The following GAB4 variants were observed in gnomAD, a reference collection of about 807,000 sequenced individuals.
GAB4 encodes the protein GRB2-associated-binding protein 4.
Under a neutral mutation model 51.3 loss-of-function variants are expected in GAB4, and 26 were observed. That is an observed-to-expected ratio of 0.51 (90% CI 0.37 to 0.70). The LOEUF is 0.70. Among genes scored for constraint, GAB4 ranks in the 30% least tolerant of loss-of-function variants. The pLI is 0.00. For synonymous variants in GAB4, 329 were observed against 291.2 expected (o/e 1.13, Z -1.32); for missense variants, 759 against 734.6 (o/e 1.03, Z -0.38).
chr22:16,996,750 G>A (rs2060952368), intron 1 of GAB4, among the ~76,000 whole-genome samples: 1 of 151,992 alleles, frequency 6.6e-6, no homozygotes, highest in African/African-American at 2.4e-5. Flanking sequence ...CCATGTTGGT[G>A]TGCTGCATCC....
At chr22:16,991,841 C>T (rs2060916483) in intron 2 of GAB4, 32 bp downstream of exon 2, 1 of 1,558,416 alleles carries the variant, frequency 6.4e-7, no homozygotes, top group South Asian at 1.2e-5. Context: ...ATCTCAGCCC[C>T]TCCTGAGACA....
intron 1 of GAB4, among the ~76,000 whole-genome samples, chr22:16,993,492 A>G (rs2060929156): frequency 6.6e-6 from 1 of 152,088 alleles, no homozygotes; most frequent in South Asian, 2.1e-4. Flanking sequence ...TACCCCTGTT[A>G]TTTTCCCCCT....
chr22:16,975,179 T>A (rs1216793479), intron 3 of GAB4, among the ~76,000 whole-genome samples: 1 of 151,908 alleles, frequency 6.6e-6, no homozygotes, highest in African/African-American at 2.4e-5. Flanking sequence ...CCCCTGAAAA[T>A]GGGGCTGAAG....
intron 7 of GAB4, 27 bp from the exon 8 acceptor site, chr22:16,964,889 C>T: frequency 1.3e-6 from 2 of 1,575,458 alleles, no homozygotes; most frequent in South Asian, 1.1e-5. Context: ...GCAAGGAGTA[C>T]ATCCTGGGTG....
intron 3 of GAB4, among the ~76,000 whole-genome samples, chr22:16,975,225 C>A (rs1368790237): frequency 6.6e-6 from 1 of 152,190 alleles, no homozygotes; most frequent in Non-Finnish European, 1.5e-5. Flanking sequence ...CAGGGGATCC[C>A]ACCCCCATGG....
intron 1 of GAB4, among the ~76,000 whole-genome samples, chr22:16,998,845 A>C (rs1020008923): frequency 6.6e-6 from 1 of 152,222 alleles, no homozygotes; most frequent in African/African-American, 2.4e-5. Flanking sequence ...AGTTTTTAGC[A>C]TGAAGGGCTG....
chr22:17,004,285 T>G (rs2061021453), intron 1 of GAB4, among the ~76,000 whole-genome samples: 1 of 152,036 alleles, frequency 6.6e-6, no homozygotes, highest in Non-Finnish European at 1.5e-5. Flanking sequence ...CTGAAACTAT[T>G]CCAAACAATG....
intron 1 of GAB4, 98 bp downstream of exon 1, chr22:17,007,835 CCACCCGCA>C: frequency 1.9e-6 from 2 of 1,065,194 alleles, no homozygotes; most frequent in East Asian, 2.6e-5. Context: ...GAAGTCGCCT[CCACCCGCA>C]GCTCCTCCCG....
intron 3 of GAB4, among the ~76,000 whole-genome samples, chr22:16,981,941 T>C (rs928691695): frequency 6.6e-6 from 1 of 152,164 alleles, no homozygotes; most frequent in South Asian, 2.1e-4. Context: ...ACCACATTAA[T>C]AGATTCAAAA....
At chr22:16,968,608 T>C (rs73145684) in intron 4 of GAB4, among the ~76,000 whole-genome samples, 6,165 of 152,200 alleles carry the variant, frequency 0.041, 151 homozygotes, top group African/African-American at 0.071. Flanking sequence ...CCCTCCTGGA[T>C]GCCTGCCCTC....
intron 2 of GAB4, among the ~76,000 whole-genome samples, chr22:16,990,191 C>T (rs2060902719): frequency 6.6e-6 from 1 of 152,220 alleles, no homozygotes; most frequent in Admixed American, 6.5e-5. Context: ...AAAGCACTCT[C>T]TCTCTTTCTA....
At chr22:16,989,058 C>T (rs952883694) in intron 2 of GAB4, among the ~76,000 whole-genome samples, 2 of 152,204 alleles carry the variant, frequency 1.3e-5, no homozygotes, top group Admixed American at 6.5e-5. Flanking sequence ...GCCCAGTCCA[C>T]GGGTTTTTGA....
At chr22:17,000,032 A>G (rs989869917) in intron 1 of GAB4, among the ~76,000 whole-genome samples, 2 of 152,166 alleles carry the variant, frequency 1.3e-5, no homozygotes, top group Non-Finnish European at 2.9e-5. Context: ...CTGTTTTTCT[A>G]CATTGGCTGA....
At chr22:17,006,981 T>G (rs2061045316) in intron 1 of GAB4, among the ~76,000 whole-genome samples, 1 of 152,002 alleles carries the variant, frequency 6.6e-6, no homozygotes. Flanking sequence ...GTTCTGCACA[T>G]GTATCCCAGA....
intron 3 of GAB4, among the ~76,000 whole-genome samples, chr22:16,982,547 C>G (rs1014735028): frequency 5.3e-5 from 8 of 152,126 alleles, no homozygotes; most frequent in Non-Finnish European, 7.3e-5. Context: ...ATCACATGAT[C>G]ATGATTGCAA....
At chr22:16,991,702 T>G (rs1247654835) in intron 2 of GAB4, among the ~76,000 whole-genome samples, 171 bp downstream of exon 2, 1 of 152,132 alleles carries the variant, frequency 6.6e-6, no homozygotes, top group Non-Finnish European at 1.5e-5. Context: ...GGTGGAGGAC[T>G]GAGGATGGTA....
chr22:16,970,576 C>A (rs1216042016), intron 3 of GAB4, among the ~76,000 whole-genome samples: 1 of 152,150 alleles, frequency 6.6e-6, no homozygotes, highest in Non-Finnish European at 1.5e-5. Context: ...GGTACACTGG[C>A]TACTGGTTCC....
At chr22:16,970,964 G>C (rs5992601) in intron 3 of GAB4, among the ~76,000 whole-genome samples, 25,402 of 151,788 alleles carry the variant, frequency 0.17, 3,042 homozygotes, top group African/African-American at 0.33. Context: ...AGGAAGCCCA[G>C]ACAGGCAGAT....
intron 3 of GAB4, among the ~76,000 whole-genome samples, chr22:16,977,039 A>C (rs1040060216): frequency 5.9e-5 from 9 of 152,218 alleles, no homozygotes; most frequent in Non-Finnish European, 4.4e-5. Context: ...CATGGGAAGG[A>C]AAAACCAGTA....
Sources: allele counts gnomAD v4.1 joint callset (sites outside exome capture counted in the v4.1 genomes callset), GRCh38; gene constraint gnomAD v4.1.1; transcripts MANE v1.5; gene names NCBI Gene and HGNC (gene_info 2026-07-23, HGNC 2026-07-21).